The following SIRPB1 variants were observed in gnomAD, a reference collection of about 807,000 sequenced individuals.
The protein encoded by SIRPB1 is signal regulatory protein beta 1, also known as signal-regulatory protein beta-1.
Under a neutral mutation model 34.1 loss-of-function variants are expected in SIRPB1, and 28 were observed. That is an observed-to-expected ratio of 0.82 (90% CI 0.61 to 1.12). The LOEUF is 1.12. Among genes scored for constraint, SIRPB1 ranks in the 50% most tolerant of loss-of-function variants. The pLI is 0.00. For synonymous variants in SIRPB1, 211 were observed against 203.8 expected (o/e 1.04, Z -0.30); for missense variants, 499 against 507.0 (o/e 0.98, Z 0.15).
rs144045134 is a variant in SIRPB1, at chr20:1,619,891, C to T, written c.54G>A (p.Thr18=). The change falls in exon 1 of 6, where the codon ACG becomes ACA. Residue 18 remains threonine, a synonymous_variant. Coordinates refer to ENST00000381605, the MANE Select transcript of SIRPB1 (RefSeq NM_006065.5). ...CACCTGTGAGTCTCCCCAGCAGTAG[C>T]GTCATCAGCAGGAAAGGACTAGGAA... ...PHLPSPFLLM[T]LLLGRLTGVA... is the part of the protein sequence containing the mutation. The T allele has an allele frequency of 5.6e-3, 9,090 of 1,613,500 alleles. 37 individuals carry two copies. The highest frequency in any genetic ancestry group is 8.7e-3 in the Middle Eastern group (53 of 6,060).
rs551277546 is a variant in SIRPB1 at position 1,562,166 on chromosome 20, T to C, written c.*3334A>G. Among the ~76,000 whole-genome samples the C allele has an allele frequency of 4.6e-5, 7 of 151,390 alleles. No individual in the cohort carries two copies. The highest frequency in any genetic ancestry group is 7.4e-5 in the Non-Finnish European group (5 of 67,954). Reference sequence around the variant, plus strand: ...GTGGGTTTTGGTTTTGGGGTTGACTTTTTTTTCTTGTTAGCACTTTCTTAC... The same window carrying C: ...GTGGGTTTTGGTTTTGGGGTTGACTCTTTTTTCTTGTTAGCACTTTCTTAC... On this transcript the variant is annotated 3_prime_UTR_variant, in exon 6 of 6. Coordinates refer to ENST00000381605, the MANE Select transcript of SIRPB1 (RefSeq NM_006065.5).
At chr20:1,579,389 G>A (rs2091370254) in intron 1 of SIRPB1, among the ~76,000 whole-genome samples, 1 of 148,180 alleles carries the variant, frequency 6.7e-6, no homozygotes, top group African/African-American at 2.5e-5. Context: ...TGTATCACTG[G>A]ATTGGGTGGG....
intron 4 of SIRPB1, among the ~76,000 whole-genome samples, chr20:1,567,294 C>T (rs963039068): frequency 6.6e-6 from 1 of 152,120 alleles, no homozygotes; most frequent in Admixed American, 6.5e-5. Flanking sequence ...GAGAGATAGA[C>T]TGCATTGGGA....
At chr20:1,618,351 G>C (rs139693466) in intron 1 of SIRPB1, among the ~76,000 whole-genome samples, 2 of 152,270 alleles carry the variant, frequency 1.3e-5, no homozygotes, top group East Asian at 3.9e-4. Context: ...GGAGCCGGTC[G>C]ACCTGGACTT....
At chr20:1,619,803 A>G in intron 1 of SIRPB1, 66 bp downstream of exon 1, 1 of 1,185,648 alleles carries the variant, frequency 8.4e-7, no homozygotes, top group Non-Finnish European at 1.2e-6. Context: ...GGAATCCCTG[A>G]AAGTCCAGGG....
intron 4 of SIRPB1, among the ~76,000 whole-genome samples, chr20:1,568,594 C>T (rs1209403639): frequency 6.6e-6 from 1 of 152,034 alleles, no homozygotes; most frequent in Non-Finnish European, 1.5e-5. Context: ...GGAGAACTTC[C>T]AAGGTGGAAG....
chr20:1,617,226 A>G (rs2091642736), intron 1 of SIRPB1, among the ~76,000 whole-genome samples: 1 of 152,200 alleles, frequency 6.6e-6, no homozygotes, highest in Non-Finnish European at 1.5e-5. Context: ...CATGTCACAG[A>G]GATATCTGTG....
At chr20:1,572,202 C>G (rs1732719466) in intron 2 of SIRPB1, among the ~76,000 whole-genome samples, 165 bp from the exon 3 acceptor site, 1 of 152,152 alleles carries the variant, frequency 6.6e-6, no homozygotes, top group Non-Finnish European at 1.5e-5. Context: ...GACACAACAG[C>G]TCTTAGAGGT....
At position 1,580,839 on chromosome 20, in the gene SIRPB1, C is replaced by T. The variant is rs2091390356; in HGVS notation, c.77-2145G>A. Reference sequence around the variant, plus strand: ...TACAGGAATCTACAAATTGAAGACACAGAAGAAACGCAAGTTGAACCCACA... The same window carrying T: ...TACAGGAATCTACAAATTGAAGACATAGAAGAAACGCAAGTTGAACCCACA... On this transcript the variant is annotated intron_variant, in intron 1 of 5. Transcript: ENST00000381605. Among the ~76,000 whole-genome samples the T allele has an allele frequency of 4.1e-5, 2 of 49,186 alleles. 1 individual carries two copies. Among genetic ancestry groups the T allele is most frequent in the Non-Finnish European group, 7.9e-5 (2 of 25,432 alleles). The allele number at this position is 49,186 out of a possible 152,430, so 32.3% of individuals were successfully genotyped here.
chr20:1,576,626 G>A (rs2091313747), intron 2 of SIRPB1, among the ~76,000 whole-genome samples: 1 of 148,540 alleles, frequency 6.7e-6, no homozygotes, highest in South Asian at 2.1e-4. Context: ...TTGAAGTGGG[G>A]CCAGGCATGG....
At position 1,566,196 on chromosome 20, in the gene SIRPB1, C is replaced by T. The variant is rs1235395847; in HGVS notation, c.1156G>A (p.Gly386Ser). 1.2e-6 allele frequency: 2 copies of T among 1,612,216 alleles called. No individual in the cohort carries two copies. The highest frequency in any genetic ancestry group is 1.3e-5 in the African/African-American group (1 of 74,888). Residue 386 changes from glycine (G) to serine (S), a missense_variant, in exon 5 of 6, where the codon GGT (glycine) becomes AGT (serine). Physicochemically the swap from Gly to Ser is moderately conservative, Grantham distance 56 (BLOSUM62 0). Transcript: ENST00000381605. ...CAGCAGATGTAGATGGCAGAGACAC[C>T]AACCACCAGTAGCAGCTTGGGGCCC... Reference protein sequence around the residue: ...LLGPKLLLVVGVSAIYICWKQ... With the variant: ...LLGPKLLLVVSVSAIYICWKQ...
intron 2 of SIRPB1, among the ~76,000 whole-genome samples, chr20:1,576,738 C>G (rs1417705765): frequency 1.3e-5 from 2 of 148,436 alleles, no homozygotes; most frequent in Non-Finnish European, 3.0e-5. Context: ...GAAACCCTGT[C>G]TCTACAAAAT....
At chr20:1,571,584 G>A (rs2091237571) in intron 3 of SIRPB1, 136 bp downstream of exon 3, 5 of 1,274,592 alleles carry the variant, frequency 3.9e-6, no homozygotes, top group Non-Finnish European at 5.5e-6. Flanking sequence ...TAAGTGACCG[G>A]CTCACCTAGG....
rs879672512 is a variant in SIRPB1 at position 1,612,597 on chromosome 20, C to T, written c.76+7272G>A. 5.6e-5 allele frequency among the ~76,000 whole-genome samples: 4 copies of T among 72,028 alleles called. 2 individuals carry two copies. The highest frequency in any genetic ancestry group is 5.2e-5 in the Non-Finnish European group (2 of 38,480). 47.3% of individuals were successfully genotyped at this position (72,028 alleles called of 152,430 possible). A position where few individuals can be genotyped will look rare whatever the true frequency, so the allele number is the denominator to read the frequency against. ...TGGGGCCTGCTCCATTGCCTGGATGCGTGAATGACCGTTGCATGCAGAACT... is the reference window on the plus strand; with the variant it reads ...TGGGGCCTGCTCCATTGCCTGGATGTGTGAATGACCGTTGCATGCAGAACT... On this transcript the variant is annotated intron_variant, in intron 1 of 5. Transcript: ENST00000381605.
chr20:1,589,687 G>T lies in SIRPB1; in HGVS notation c.77-10993C>A, dbSNP rs2091436455. On this transcript the variant is annotated intron_variant, in intron 1 of 5. Transcript: ENST00000381605. ...GACACCAGGTGAAGAGCGGGAACTC[G>T]AGTGGTGCTTTTGAATGAATCCCTA... Among the ~76,000 whole-genome samples, 4 of 48,464 alleles carry T rather than the reference G, an allele frequency of 8.3e-5. 2 individuals are homozygous for T. Among genetic ancestry groups the T allele is most frequent in the East Asian group, 1.2e-3 (2 of 1,706 alleles). 31.8% of individuals were successfully genotyped at this position (48,464 alleles called of 152,430 possible).
chr20:1,598,877 G>A lies in SIRPB1; in HGVS notation c.77-20183C>T. On this transcript the variant is annotated intron_variant, in intron 1 of 5. Transcript: ENST00000381605. ...ATGACAGAGACACCAACCACCAGCA[G>A]CACCTTGGGGCCCAGGAGGAAAGCT... 6.9e-6 allele frequency: 4 copies of A among 578,516 alleles called. 2 individuals are homozygous for A. The highest frequency in any genetic ancestry group is 7.1e-5 in the Admixed American group (2 of 28,026). The allele number at this position is 578,516 out of a possible 1,614,324, so 35.8% of individuals were successfully genotyped here.
chr20:1,577,868 A>G (rs1568689879), intron 2 of SIRPB1, among the ~76,000 whole-genome samples: 1 of 147,558 alleles, frequency 6.8e-6, no homozygotes, highest in East Asian at 1.9e-4. Context: ...GGAGCGCTTT[A>G]GGCTGTTTCA....
intron 1 of SIRPB1, among the ~76,000 whole-genome samples, chr20:1,617,245 T>A (rs1266318195): frequency 6.6e-6 from 1 of 152,216 alleles, no homozygotes; most frequent in Admixed American, 6.5e-5. Flanking sequence ...TGCTCCCATG[T>A]CCATTGCAGC....
intron 4 of SIRPB1, 192 bp downstream of exon 4, chr20:1,570,613 G>A: frequency 1.8e-6 from 1 of 542,082 alleles, no homozygotes; most frequent in Non-Finnish European, 3.2e-6. Context: ...TGGGGCTTAA[G>A]GGTGTCTACA....
Sources: allele counts gnomAD v4.1 joint callset (sites outside exome capture counted in the v4.1 genomes callset), GRCh38; gene constraint gnomAD v4.1.1; transcripts MANE v1.5; gene names NCBI Gene and HGNC (gene_info 2026-07-23, HGNC 2026-07-21).